The following NF1 variants were observed in gnomAD, a reference collection of about 807,000 sequenced individuals.
NF1 encodes neurofibromin 1, also known as neurofibromin.
Under a neutral mutation model 325.7 loss-of-function variants are expected in NF1, and 122 were observed. The ratio of observed to expected loss-of-function variants is 0.37; its 90% CI spans 0.32 to 0.44. The LOEUF (loss-of-function observed/expected upper bound fraction) is 0.44. Ranked by LOEUF, NF1 falls within the 20% of genes least tolerant of loss-of-function variation. The pLI, the probability that NF1 is intolerant of heterozygous loss-of-function variation, is 1.00. For missense variants in NF1, 2,140 were observed against 3,415.4 expected, an observed-to-expected ratio of 0.63 and a Z score of 9.31; for synonymous variants, 1,091 against 1,186.0, an observed-to-expected ratio of 0.92 and a Z score of 1.65.
Position 31,338,244 on chromosome 17 carries a change from T to C in NF1, c.6819+105T>C, listed in dbSNP as rs1291429883. 4 of 816,106 alleles carry C rather than the reference T, an allele frequency of 4.9e-6. No individual in the cohort carries two copies. The African/African-American group carries it at 7.2e-5, about 15-fold the overall frequency. The allele number at this position is 816,106 out of a possible 1,614,324, so 50.6% of individuals were successfully genotyped here. A position where few individuals can be genotyped will look rare whatever the true frequency, so the allele number is the denominator to read the frequency against. On this transcript the variant is annotated intron_variant, in intron 45 of 57. Coordinates refer to ENST00000358273, the MANE Select transcript of NF1 (RefSeq NM_001042492.3). Reference sequence around the variant, plus strand: ...GTTTAAATTTGAGGTCAATGAAATATCTTATATGTTACTTATTAAGCCTTT... The same window carrying C: ...GTTTAAATTTGAGGTCAATGAAATACCTTATATGTTACTTATTAAGCCTTT...
chr17:31,169,423 T>C (rs1337341986), intron 4 of NF1, among the ~76,000 whole-genome samples: 2 of 152,226 alleles, frequency 1.3e-5, no homozygotes, highest in Non-Finnish European at 2.9e-5. Flanking sequence ...TTTGTTATGT[T>C]CCTTTAGGTT....
intron 13 of NF1, among the ~76,000 whole-genome samples, chr17:31,218,227 C>G (rs1411169349): frequency 6.6e-6 from 1 of 152,094 alleles, no homozygotes; most frequent in East Asian, 1.9e-4. Flanking sequence ...ACCAGAGATA[C>G]GTTCTTTAGC....
chr17:31,353,864 C>G (rs571810499), intron 51 of NF1, among the ~76,000 whole-genome samples: 1 of 152,276 alleles, frequency 6.6e-6, no homozygotes, highest in East Asian at 1.9e-4. Flanking sequence ...CAAATTGTAA[C>G]ATAAATAACG....
At chr17:31,337,902 A>G (rs769497862) in intron 44 of NF1, 22 bp downstream of exon 44, 1 of 1,608,876 alleles carries the variant, frequency 6.2e-7, no homozygotes, top group South Asian at 1.1e-5. Flanking sequence ...ATTAAATATA[A>G]GTTGTAAAAA....
chr17:31,193,184 T>TCTTAGTTTCTAACTAAATA, intron 8 of NF1, among the ~76,000 whole-genome samples: 1 of 152,338 alleles, frequency 6.6e-6, no homozygotes, highest in South Asian at 2.1e-4. Context: ...AAATGCCAGT[T>TCTTAGTTTCTAACTAAATA]CTTAGTTTCT....
intron 57 of NF1, chr17:31,367,112 C>T: frequency 2.4e-6 from 1 of 423,300 alleles, no homozygotes. Flanking sequence ...AAACCAGATT[C>T]CTTCTGAAAA....
rs1306667210 is a variant in NF1, at chr17:31,336,139, A to G, written c.6007-194A>G. ...CTTAATCTCTGAAGGAGTCAAATGA[A>G]TATACTCATCCTTTACTGGATATTT... On this transcript the variant is annotated intron_variant, in intron 40 of 57. Transcript: ENST00000358273. The surrounding 1 kb of genome is among the most constrained non-coding windows in gnomAD (Gnocchi z 5.5). Among the ~76,000 whole-genome samples, 1 of 152,178 alleles carries G rather than the reference A, an allele frequency of 6.6e-6. No homozygotes were observed. The highest frequency in any genetic ancestry group is 1.5e-5 in the Non-Finnish European group (1 of 68,026).
chr17:31,367,870 G>A (rs1348911543), intron 57 of NF1, among the ~76,000 whole-genome samples: 3 of 151,938 alleles, frequency 2.0e-5, no homozygotes, highest in Non-Finnish European at 4.4e-5. Context: ...ACAGGACTGA[G>A]GTGGGGAGGT....
At chr17:31,111,259 CAT>C (rs1913391475) in intron 1 of NF1, among the ~76,000 whole-genome samples, 1 of 150,512 alleles carries the variant, frequency 6.6e-6, no homozygotes, top group African/African-American at 2.4e-5. Context: ...GCCTCTGAGA[CAT>C]GTGGAACATT....
chr17:31,359,241 C>G (rs1010520076), intron 56 of NF1: 1 of 524,438 alleles, frequency 1.9e-6, no homozygotes, highest in Non-Finnish European at 3.4e-6. Flanking sequence ...AACTTATGAT[C>G]AATTTTTCAG....
chr17:31,373,169 T>C (rs567071302), intron 57 of NF1, among the ~76,000 whole-genome samples: 56 of 152,352 alleles, frequency 3.7e-4, no homozygotes, highest in African/African-American at 1.2e-3. Context: ...CTTTGTGATA[T>C]ATTATTTTCT....
intron 4 of NF1, among the ~76,000 whole-genome samples, chr17:31,164,003 T>C (rs926217795): frequency 1.3e-5 from 2 of 152,250 alleles, no homozygotes; most frequent in African/African-American, 4.8e-5. Flanking sequence ...AATACTGCCA[T>C]TTATTGAGTA....
intron 48 of NF1, among the ~76,000 whole-genome samples, chr17:31,345,286 C>T (rs540500236): frequency 6.6e-6 from 1 of 152,304 alleles, no homozygotes; most frequent in Admixed American, 6.5e-5. Context: ...ATGTCATCAG[C>T]TTTTCTTTTA....
At chr17:31,325,634 C>T (rs761186426) in intron 36 of NF1, among the ~76,000 whole-genome samples, 186 bp from the exon 37 acceptor site, 1 of 152,146 alleles carries the variant, frequency 6.6e-6, no homozygotes, top group African/African-American at 2.4e-5. Context: ...AGATTTGTCT[C>T]TTCTCTTAGC....
At chr17:31,147,506 A>G in intron 1 of NF1, among the ~76,000 whole-genome samples, 1 of 152,158 alleles carries the variant, frequency 6.6e-6, no homozygotes, top group African/African-American at 2.4e-5. Flanking sequence ...GCTGTAAAAC[A>G]TTGTTGTGCA....
intron 57 of NF1, among the ~76,000 whole-genome samples, chr17:31,363,193 CAT>C (rs1597872574): frequency 6.6e-6 from 1 of 152,120 alleles, no homozygotes; most frequent in African/African-American, 2.4e-5. Flanking sequence ...TATTTTACTA[CAT>C]GTTTTCAGAG....
At chr17:31,230,771 A>T in intron 23 of NF1, 71 bp from the exon 24 acceptor site, 1 of 1,161,528 alleles carries the variant, frequency 8.6e-7, no homozygotes, top group Non-Finnish European at 1.3e-6. Flanking sequence ...AAGAAATCTT[A>T]CGTGACTAAA....
intron 13 of NF1, among the ~76,000 whole-genome samples, chr17:31,218,550 C>T (rs1268092035): frequency 4.6e-5 from 7 of 151,430 alleles, no homozygotes; most frequent in East Asian, 1.9e-4. Flanking sequence ...ACTTTTTTTT[C>T]TTTCTTTCTT....
chr17:31,346,852 C>A (rs1006226110), intron 48 of NF1, among the ~76,000 whole-genome samples: 8 of 104,038 alleles, frequency 7.7e-5, no homozygotes, highest in East Asian at 3.0e-4. Flanking sequence ...CATCTGTTTT[C>A]ACTCTTAGGC....
Sources: gnomAD v4.1 joint callset for allele counts (sites outside exome capture counted in the v4.1 genomes callset) on GRCh38, gnomAD v4.1.1 for gene constraint, Gnocchi (gnomAD v3.1) non-coding constraint, MANE v1.5 for transcripts, NCBI Gene and HGNC (gene_info 2026-07-23, HGNC 2026-07-21) for gene names.